Variants in RNF157 observed in about 807,000 individuals in gnomAD.
RNF157 encodes the protein ring finger protein 157.
RNF157 carries 55 observed loss-of-function variants against 88.3 expected under a neutral mutation model. That is an observed-to-expected ratio of 0.62 (90% CI 0.50 to 0.78). The LOEUF (loss-of-function observed/expected upper bound fraction) is 0.78, where lower values mean the gene tolerates loss of function less well. Among genes scored for constraint, RNF157 ranks in the 30% least tolerant of loss-of-function variants. The pLI is 0.00. For missense variants in RNF157, 788 were observed against 860.8 expected (o/e 0.92, Z 1.06); for synonymous variants, 334 against 341.2 (o/e 0.98, Z 0.23).
chr17:76,230,731 G>A (rs1306692090), intron 1 of RNF157, among the ~76,000 whole-genome samples: 4 of 151,062 alleles, frequency 2.6e-5, no homozygotes, highest in African/African-American at 7.3e-5. Flanking sequence ...CCAGCTACTC[G>A]GGAGGCTGGG....
intron 1 of RNF157, among the ~76,000 whole-genome samples, chr17:76,228,651 A>G (rs1598446456): frequency 6.6e-6 from 1 of 152,188 alleles, no homozygotes; most frequent in Non-Finnish European, 1.5e-5. Flanking sequence ...GGCTGGGCAC[A>G]GTGGCTCACA....
intron 18 of RNF157, chr17:76,147,044 G>A: frequency 1.0e-6 from 1 of 985,328 alleles, no homozygotes; most frequent in Non-Finnish European, 1.2e-6. Flanking sequence ...GAGAGTCTTG[G>A]ATCTCTCTCT....
In RNF157 at chr17:76,156,306, G is replaced by C. The variant is rs753529840; in HGVS notation, c.1429C>G (p.Pro477Ala). 1 of 1,614,052 alleles carries C rather than the reference G, an allele frequency of 6.2e-7. No individual in the cohort carries two copies. Among genetic ancestry groups the C allele is most frequent in the Non-Finnish European group, 8.5e-7 (1 of 1,179,996 alleles). ...GACAAGGTGAGATTCTCACTTTCTGGAGTCACACCACATTCCTGGGGGTTG... is the reference window on the plus strand; with the variant it reads ...GACAAGGTGAGATTCTCACTTTCTGCAGTCACACCACATTCCTGGGGGTTG... Reference protein sequence around the residue: ...QHLGEECGVTPESENLTLSSS... With the variant: ...QHLGEECGVTAESENLTLSSS... The change falls in exon 14 of 19, where the codon CCA (proline) becomes GCA (alanine). Residue 477 changes from proline to alanine, a missense_variant. Pro to Ala is a conservative substitution (Grantham distance 27, BLOSUM62 -1). Coordinates refer to ENST00000269391, the MANE Select transcript of RNF157 (RefSeq NM_052916.3).
At chr17:76,145,833 G>T (rs2068576985) in intron 18 of RNF157, among the ~76,000 whole-genome samples, 1 of 152,122 alleles carries the variant, frequency 6.6e-6, no homozygotes, top group Admixed American at 6.5e-5. Flanking sequence ...GAAAGGACTG[G>T]CCACCCAGCA....
chr17:76,215,540 TAAA>T (rs146194120), intron 1 of RNF157, among the ~76,000 whole-genome samples: 57 of 125,086 alleles, frequency 4.6e-4, no homozygotes, highest in East Asian at 9.1e-4. Flanking sequence ...TATAGCAAAC[TAAA>T]AAAAAAAAAA....
chr17:76,182,473 G>GTGTGTT (rs2069205715), intron 2 of RNF157, among the ~76,000 whole-genome samples: 1 of 151,512 alleles, frequency 6.6e-6, no homozygotes, highest in Non-Finnish European at 1.5e-5. Flanking sequence ...GTGTGTGTGT[G>GTGTGTT]TGTGTGTGTA....
intron 2 of RNF157, among the ~76,000 whole-genome samples, chr17:76,181,664 T>C (rs931029286): frequency 5.9e-5 from 9 of 151,992 alleles, no homozygotes; most frequent in African/African-American, 2.2e-4. Context: ...TCCCAGCACT[T>C]TGGGAAGCCG....
chr17:76,154,026 T>C (rs1418928492), intron 17 of RNF157: 1 of 457,768 alleles, frequency 2.2e-6, no homozygotes, highest in East Asian at 4.3e-5. Flanking sequence ...CAGGTAAATA[T>C]GGACCTGTAT....
intron 1 of RNF157, among the ~76,000 whole-genome samples, chr17:76,234,395 G>T (rs1313383492): frequency 6.6e-6 from 1 of 152,030 alleles, no homozygotes; most frequent in African/African-American, 2.4e-5. Context: ...GTATACCTAG[G>T]AGTAGAACTG....
intron 1 of RNF157, among the ~76,000 whole-genome samples, 195 bp downstream of exon 1, chr17:76,239,958 G>A (rs966187954): frequency 6.6e-6 from 1 of 152,190 alleles, no homozygotes; most frequent in African/African-American, 2.4e-5. Flanking sequence ...CCGGCAGGAC[G>A]CCCCTTGGGC....
chr17:76,193,937 G>A (rs537894207), intron 2 of RNF157, among the ~76,000 whole-genome samples: 127 of 152,210 alleles, frequency 8.3e-4, no homozygotes, highest in African/African-American at 2.9e-3. Flanking sequence ...GGGGGACACG[G>A]CTACCACTTC....
intron 1 of RNF157, among the ~76,000 whole-genome samples, chr17:76,228,440 T>A (rs1323516999): frequency 1.3e-5 from 2 of 152,308 alleles, no homozygotes; most frequent in East Asian, 3.9e-4. Flanking sequence ...GGTTAACTTC[T>A]TCACCTGAGT....
chr17:76,152,235 C>T (rs2068689367), intron 18 of RNF157, 120 bp downstream of exon 18: 3 of 703,812 alleles, frequency 4.3e-6, no homozygotes, highest in East Asian at 2.5e-5. Flanking sequence ...AGCACTAGCA[C>T]ACCCCAGGCC....
chr17:76,197,615 C>CT, intron 2 of RNF157, among the ~76,000 whole-genome samples: 1 of 152,172 alleles, frequency 6.6e-6, no homozygotes, highest in Middle Eastern at 3.2e-3. Flanking sequence ...GGTACCCAGG[C>CT]TTGGAGTGCA....
At chr17:76,182,836 TG>T (rs2069218548) in intron 2 of RNF157, among the ~76,000 whole-genome samples, 6 of 137,912 alleles carry the variant, frequency 4.4e-5, no homozygotes, top group African/African-American at 1.4e-4. Context: ...ATCCTATATA[TG>T]ATATATAGGA....
In RNF157 at chr17:76,159,427, A is replaced by G. The variant is rs921399027; in HGVS notation, c.1212T>C (p.Asp404=). ...LSGMLPSYGS[D]GHLPPVRTIS... ...TCGTCCTGACGGGGGGCAGGTGGCC[A>G]TCACTGCCATATGAAGGGAGCATTC... Residue 404 remains aspartate (D), a synonymous_variant, in exon 12 of 19, where the codon GAT becomes GAC. Coordinates refer to ENST00000269391, the MANE Select transcript of RNF157 (RefSeq NM_052916.3). 1 of 1,613,344 alleles carries G rather than the reference A, an allele frequency of 6.2e-7. No homozygotes were observed. Among genetic ancestry groups the G allele is most frequent in the African/African-American group, 1.3e-5 (1 of 75,044 alleles).
intron 17 of RNF157, 170 bp downstream of exon 17, chr17:76,154,113 C>G (rs974763367): frequency 3.1e-6 from 2 of 655,098 alleles, no homozygotes; most frequent in African/African-American, 3.6e-5. Flanking sequence ...TAGAGATCAT[C>G]AATGCTCTGC....
intron 2 of RNF157, among the ~76,000 whole-genome samples, chr17:76,208,490 C>T (rs754869484): frequency 4.6e-5 from 7 of 152,130 alleles, no homozygotes; most frequent in Non-Finnish European, 8.8e-5. Context: ...TGAGACAACA[C>T]AGATGAAAAG....
Position 76,159,403 on chromosome 17 carries a change from C to G in RNF157, c.1236G>C (p.Thr412=). 2 of 1,613,236 alleles carry G rather than the reference C, an allele frequency of 1.2e-6. No homozygotes were observed. Among genetic ancestry groups the G allele is most frequent in the Non-Finnish European group, 1.7e-6 (2 of 1,179,758 alleles). Residue 412 remains threonine (T), a synonymous_variant, in exon 12 of 19, where the codon ACG becomes ACC. Coordinates refer to ENST00000269391, the MANE Select transcript of RNF157 (RefSeq NM_052916.3). ...GSDGHLPPVR[T]ISPLDRLSDS... ...CAGACAGGCGGTCAAGAGGCGAGAT[C>G]GTCCTGACGGGGGGCAGGTGGCCAT...
Sources: gnomAD v4.1 joint callset for allele counts (sites outside exome capture counted in the v4.1 genomes callset) on GRCh38, gnomAD v4.1.1 for gene constraint, MANE v1.5 for transcripts, NCBI Gene and HGNC (gene_info 2026-07-23, HGNC 2026-07-21) for gene names.